The following ABTB3 variants were observed in gnomAD, a reference collection of about 807,000 sequenced individuals.
ABTB3 encodes ankyrin repeat and BTB domain containing 3.
the ABTB3 span, among the ~76,000 whole-genome samples, chr12:107,440,916 G>A: frequency 9.2e-5 from 14 of 152,270 alleles, no homozygotes; most frequent in East Asian, 3.9e-4. Flanking sequence ...AGTTTGTAGC[G>A]TTTCTCCCAT....
At chr12:107,482,803 C>G in the ABTB3 span, among the ~76,000 whole-genome samples, 1 of 150,520 alleles carries the variant, frequency 6.6e-6, no homozygotes, top group South Asian at 2.1e-4. Flanking sequence ...CCTTCTCTCT[C>G]TTTTTTTTTC....
chr12:107,443,972 G>A, the ABTB3 span, among the ~76,000 whole-genome samples: 1 of 152,208 alleles, frequency 6.6e-6, no homozygotes, highest in Admixed American at 6.5e-5. Flanking sequence ...ATGAGGATGG[G>A]GAGCAGGTAG....
chr12:107,369,180 G>A, the ABTB3 span, among the ~76,000 whole-genome samples: 2 of 152,200 alleles, frequency 1.3e-5, no homozygotes, highest in Middle Eastern at 3.4e-3. Flanking sequence ...CATGCCCTAA[G>A]TTCACAAAGG....
At chr12:107,581,172 C>T in the ABTB3 span, 1 of 1,535,568 alleles carries the variant, frequency 6.5e-7, no homozygotes, top group Non-Finnish European at 8.8e-7. Flanking sequence ...GTGCTGCCGC[C>T]GCTGATGGAG....
the ABTB3 span, among the ~76,000 whole-genome samples, chr12:107,335,817 CG>C: frequency 6.6e-6 from 1 of 150,706 alleles, no homozygotes; most frequent in Non-Finnish European, 1.5e-5. Flanking sequence ...AAGAGTGCTG[CG>C]CTTGGAACCT....
At chr12:107,519,205 G>A in the ABTB3 span, among the ~76,000 whole-genome samples, 1 of 152,260 alleles carries the variant, frequency 6.6e-6, no homozygotes, top group African/African-American at 2.4e-5. Flanking sequence ...TTCTGGATCT[G>A]CTCTGTGTGT....
At chr12:107,632,200 C>T in the ABTB3 span, among the ~76,000 whole-genome samples, 1 of 152,270 alleles carries the variant, frequency 6.6e-6, no homozygotes, top group South Asian at 2.1e-4. Context: ...ATCAATACCT[C>T]CTGAATCGAG....
the ABTB3 span, among the ~76,000 whole-genome samples, chr12:107,347,546 C>T: frequency 1.0e-3 from 153 of 152,214 alleles, no homozygotes; most frequent in African/African-American, 3.6e-3. Context: ...TTCTACATTG[C>T]GTCTTGTCTT....
chr12:107,523,920 C>A, the ABTB3 span, among the ~76,000 whole-genome samples: 11 of 152,194 alleles, frequency 7.2e-5, no homozygotes, highest in African/African-American at 2.4e-4. Flanking sequence ...CCCACACACA[C>A]TGTCCCTAAG....
chr12:107,584,672 G>A, the ABTB3 span, among the ~76,000 whole-genome samples: 48 of 152,340 alleles, frequency 3.2e-4, no homozygotes, highest in African/African-American at 1.2e-3. Flanking sequence ...CCAGCTGGCC[G>A]AGGGTTCCTG....
the ABTB3 span, among the ~76,000 whole-genome samples, chr12:107,471,807 C>T: frequency 2.0e-5 from 3 of 152,146 alleles, no homozygotes; most frequent in Non-Finnish European, 4.4e-5. Flanking sequence ...GCCCCCGTGC[C>T]TAGAGTTCAG....
the ABTB3 span, among the ~76,000 whole-genome samples, chr12:107,353,377 T>G: frequency 6.6e-6 from 1 of 152,132 alleles, no homozygotes; most frequent in Non-Finnish European, 1.5e-5. Flanking sequence ...ATGTTCCAGA[T>G]TATCAGCTGT....
the ABTB3 span, chr12:107,635,409 C>CTG: frequency 1.2e-6 from 2 of 1,605,282 alleles, no homozygotes; most frequent in South Asian, 2.2e-5. Flanking sequence ...TTCCCCCAGG[C>CTG]CTGTGTTGGC....
chr12:107,592,764 G>A, the ABTB3 span, among the ~76,000 whole-genome samples: 6 of 152,344 alleles, frequency 3.9e-5, no homozygotes, highest in African/African-American at 7.2e-5. Context: ...ATTCAGGAGA[G>A]AGGGTACTCA....
chr12:107,340,690 C>T, the ABTB3 span, among the ~76,000 whole-genome samples: 1 of 151,938 alleles, frequency 6.6e-6, no homozygotes, highest in African/African-American at 2.4e-5. Flanking sequence ...GCCACCCATC[C>T]TATTTTAGAG....
the ABTB3 span, chr12:107,319,769 G>T: frequency 6.8e-7 from 1 of 1,480,778 alleles, no homozygotes; most frequent in Non-Finnish European, 9.0e-7. Flanking sequence ...CCCGAGCTCG[G>T]GCCCTGGTGC....
At chr12:107,556,026 G>A in the ABTB3 span, among the ~76,000 whole-genome samples, 17 of 151,930 alleles carry the variant, frequency 1.1e-4, no homozygotes, top group Non-Finnish European at 2.5e-4. Flanking sequence ...TTTATGATGT[G>A]TCAGGCTGTC....
the ABTB3 span, among the ~76,000 whole-genome samples, chr12:107,484,697 G>A: frequency 6.6e-6 from 1 of 151,992 alleles, no homozygotes; most frequent in African/African-American, 2.4e-5. Context: ...GCTCAAGACT[G>A]TGTCAATAAT....
At chr12:107,632,501 T>C in the ABTB3 span, among the ~76,000 whole-genome samples, 554 of 152,372 alleles carry the variant, frequency 3.6e-3, 4 homozygotes, top group Non-Finnish European at 6.5e-3. Context: ...CCACTATGTG[T>C]CTGGCACTCT....
Sources: allele counts gnomAD v4.1 joint callset (sites outside exome capture counted in the v4.1 genomes callset), GRCh38; gene constraint gnomAD v4.1.1; transcripts MANE v1.5; gene names NCBI Gene and HGNC (gene_info 2026-07-23, HGNC 2026-07-21).